Variants in GRIN2B observed in about 807,000 individuals in gnomAD.
The protein encoded by GRIN2B is glutamate receptor ionotropic, NMDA 2B.
Under a neutral mutation model 114.5 loss-of-function variants are expected in GRIN2B, and 5 were observed. That is an observed-to-expected ratio of 0.04 (90% CI 0.02 to 0.09). The LOEUF is 0.09. Ranked by LOEUF, GRIN2B falls within the 10% of genes least tolerant of loss-of-function variation. The pLI is 1.00. For synonymous variants in GRIN2B, 787 were observed against 745.1 expected (o/e 1.06, Z -0.92); for missense variants, 1,108 against 1,943.5 (o/e 0.57, Z 8.08).
At chr12:13,959,752 TTTC>T (rs1231488332) in intron 2 of GRIN2B, among the ~76,000 whole-genome samples, 1 of 128,754 alleles carries the variant, frequency 7.8e-6, no homozygotes, top group Non-Finnish European at 1.6e-5. Flanking sequence ...AGTGGGTTTC[TTTC>T]TTTTTTTCTT....
chr12:13,807,144 G>A (rs2136679859), intron 3 of GRIN2B, among the ~76,000 whole-genome samples: 1 of 152,220 alleles, frequency 6.6e-6, no homozygotes, highest in African/African-American at 2.4e-5. Flanking sequence ...TGGTGTTAAT[G>A]AACAGGGTGC....
chr12:13,690,373 T>TCACACA (rs57259908), intron 4 of GRIN2B, among the ~76,000 whole-genome samples: 2 of 143,266 alleles, frequency 1.4e-5, no homozygotes, highest in South Asian at 2.2e-4. Context: ...TCTCTCTCTC[T>TCACACA]CACACACACA....
At chr12:13,958,649 G>A (rs1484181743) in intron 2 of GRIN2B, among the ~76,000 whole-genome samples, 3 of 152,042 alleles carry the variant, frequency 2.0e-5, no homozygotes, top group Non-Finnish European at 4.4e-5. Flanking sequence ...AACCTCTGAC[G>A]GAGGCATTTT....
At chr12:13,855,483 C>T (rs1865644508) in intron 3 of GRIN2B, among the ~76,000 whole-genome samples, 1 of 152,172 alleles carries the variant, frequency 6.6e-6, no homozygotes, top group Admixed American at 6.5e-5. Flanking sequence ...TGTATTCTCT[C>T]ACAGTTCTGA....
intron 5 of GRIN2B, among the ~76,000 whole-genome samples, chr12:13,643,649 T>C (rs1335119220): frequency 6.6e-6 from 1 of 152,156 alleles, no homozygotes; most frequent in African/African-American, 2.4e-5. Context: ...TGATAGCATT[T>C]TACCCACAAC....
rs2136378806 is a variant in GRIN2B at position 13,542,047 on chromosome 12, G to C, written c.*20736C>G. On this transcript the variant is annotated 3_prime_UTR_variant, in exon 14 of 14. Transcript: ENST00000609686. ...CCCCCTTTTCATGCAGCCCCACTCA[G>C]AGTCCTTTTCTTTCTAAGCCCTCTC... 1 of 152,126 alleles carries C rather than the reference G, an allele frequency of 6.6e-6. No homozygotes were observed. Among genetic ancestry groups the C allele is most frequent in the Admixed American group, 6.5e-5 (1 of 15,278 alleles). The allele number at this position is 152,126 out of a possible 1,614,324, so 9.4% of individuals were successfully genotyped here. A position where few individuals can be genotyped will look rare whatever the true frequency, so the allele number is the denominator to read the frequency against.
intron 2 of GRIN2B, among the ~76,000 whole-genome samples, chr12:13,956,546 C>G (rs1207572178): frequency 6.6e-6 from 1 of 152,132 alleles, no homozygotes; most frequent in Non-Finnish European, 1.5e-5. Flanking sequence ...TGAAAACAAG[C>G]GCCTTTTTCT....
intron 10 of GRIN2B, among the ~76,000 whole-genome samples, chr12:13,574,581 A>G (rs1041924578): frequency 5.3e-5 from 8 of 152,148 alleles, no homozygotes; most frequent in African/African-American, 1.9e-4. Flanking sequence ...CTGCAACTAA[A>G]TTTTATGGTA....
At chr12:13,951,897 A>C (rs756981826) in intron 2 of GRIN2B, among the ~76,000 whole-genome samples, 1 of 152,198 alleles carries the variant, frequency 6.6e-6, no homozygotes, top group African/African-American at 2.4e-5. Context: ...TAAGAAAGAG[A>C]AGAGGGGAGA....
Position 13,538,029 on chromosome 12 carries a change from G to C in GRIN2B, c.*24754C>G, listed in dbSNP as rs1948233131. On this transcript the variant is annotated 3_prime_UTR_variant, in exon 14 of 14. Coordinates refer to ENST00000609686, the MANE Select transcript of GRIN2B (RefSeq NM_000834.5). ...ATTCCACAAGAAATTTCTTTCAGAG[G>C]ATCATTTATATTTTTGAAAGAATTA... The C allele has an allele frequency of 6.6e-6, 1 of 152,144 alleles. No individual in the cohort carries two copies. Among genetic ancestry groups the C allele is most frequent in the Non-Finnish European group, 1.5e-5 (1 of 68,032 alleles). The allele number at this position is 152,144 out of a possible 1,614,324, so 9.4% of individuals were successfully genotyped here.
intron 5 of GRIN2B, among the ~76,000 whole-genome samples, chr12:13,658,967 T>A (rs1016306754): frequency 1.3e-5 from 2 of 152,130 alleles, no homozygotes; most frequent in Admixed American, 6.5e-5. Context: ...CCTCTTACCC[T>A]GTACCCACCC....
At chr12:13,809,489 C>T (rs1205441738) in intron 3 of GRIN2B, among the ~76,000 whole-genome samples, 1 of 152,084 alleles carries the variant, frequency 6.6e-6, no homozygotes, top group Admixed American at 6.6e-5. Context: ...TCTGGTGCTG[C>T]TTATATAGGA....
chr12:13,857,221 G>T (rs578164801), intron 3 of GRIN2B, among the ~76,000 whole-genome samples: 7 of 152,316 alleles, frequency 4.6e-5, no homozygotes, highest in Non-Finnish European at 1.0e-4. Context: ...TGTTTAATAA[G>T]ATGAGAGTGA....
Position 13,603,099 on chromosome 12 carries a change from G to C in GRIN2B, c.2010+5504C>G, listed in dbSNP as rs570226287. Among the ~76,000 whole-genome samples, 10 of 152,222 alleles carry C rather than the reference G, an allele frequency of 6.6e-5. No individual in the cohort carries two copies. In the South Asian group the frequency reaches 1.0e-3, roughly 16 times the overall value. On this transcript the variant is annotated intron_variant, in intron 10 of 13. Transcript: ENST00000609686. ...CACCATTCTCCACCATCCAACAGTAGCTTAAAGCTAAGGGTCACTCTATAC... is the reference window on the plus strand; with the variant it reads ...CACCATTCTCCACCATCCAACAGTACCTTAAAGCTAAGGGTCACTCTATAC...
At chr12:13,717,343 G>T (rs1420391669) in intron 4 of GRIN2B, among the ~76,000 whole-genome samples, 2 of 151,906 alleles carry the variant, frequency 1.3e-5, no homozygotes, top group Non-Finnish European at 2.9e-5. Context: ...GCAAGGCAAT[G>T]CAGAATAACA....
chr12:13,557,348 C>G lies in GRIN2B; in HGVS notation c.*5435G>C, dbSNP rs1277300645. 6.6e-6 allele frequency: 1 copy of G among 152,154 alleles called. No individual in the cohort carries two copies. The highest frequency in any genetic ancestry group is 1.5e-5 in the Non-Finnish European group (1 of 68,022). The allele number at this position is 152,154 out of a possible 1,614,324, so 9.4% of individuals were successfully genotyped here. A position where few individuals can be genotyped will look rare whatever the true frequency, so the allele number is the denominator to read the frequency against. ...CTGAGGTCATAAGTGGCTCTTTTAC[C>G]AGATAACAGGGCACCCCCTATGGAG... is the stretch of plus-strand genomic sequence containing the variant. On this transcript the variant is annotated 3_prime_UTR_variant, in exon 14 of 14. Coordinates refer to ENST00000609686, the MANE Select transcript of GRIN2B (RefSeq NM_000834.5).
At chr12:13,597,015 G>T (rs1344198607) in intron 10 of GRIN2B, among the ~76,000 whole-genome samples, 2 of 152,218 alleles carry the variant, frequency 1.3e-5, no homozygotes, top group African/African-American at 4.8e-5. Context: ...TATCACAGGG[G>T]CAGATGCAGG....
At position 13,621,628 on chromosome 12, in the gene GRIN2B, T is replaced by G. The variant is rs867916209; in HGVS notation, c.1126-4971A>C. The stretch of plus-strand genomic sequence containing the variant: ...CCTAGTTTTTGTTTTTTTTTTTTTT[T>G]TTTTTTTTTTTTCAGAAAAACAGTG... On this transcript the variant is annotated intron_variant, in intron 5 of 13. Coordinates refer to ENST00000609686, the MANE Select transcript of GRIN2B (RefSeq NM_000834.5). 7.0e-4 allele frequency among the ~76,000 whole-genome samples: 103 copies of G among 147,050 alleles called. 1 individual carries two copies. Among genetic ancestry groups the G allele is most frequent in the African/African-American group, 2.2e-3 (86 of 39,714 alleles).
chr12:13,564,573 C>A lies in GRIN2B; in HGVS notation c.2665G>T (p.Ala889Ser), dbSNP rs756224637. ...TTGGAGTGTGTGTTGTTCATGGTTG[C>A]GGTGGGGGAGTTCATTACAGACTGG... is the stretch of plus-strand genomic sequence containing the variant. ...ERQSVMNSPT[A>S]TMNNTHSNIL... Residue 889 changes from alanine (A) to serine (S), a missense_variant, in exon 14 of 14, where the codon GCA (alanine) becomes TCA (serine). Around this residue, in one of 19 missense-constraint regions of GRIN2B, gnomAD observed 27 missense variants for 51.7 expected, o/e 0.52. Transcript: ENST00000609686. The surrounding 1 kb of genome is among the most constrained non-coding windows in gnomAD (Gnocchi z 4.8). The A allele has an allele frequency of 3.1e-6, 5 of 1,613,860 alleles. No individual in the cohort carries two copies. The African/African-American group carries it at 5.3e-5, about 17-fold the overall frequency.
Sources: allele counts gnomAD v4.1 joint callset (sites outside exome capture counted in the v4.1 genomes callset), GRCh38; gene constraint gnomAD v4.1.1; regional missense constraint gnomAD v4.1.1; non-coding constraint Gnocchi (gnomAD v3.1); transcripts MANE v1.5; gene names NCBI Gene and HGNC (gene_info 2026-07-23, HGNC 2026-07-21).